Variants in COL21A1 observed in about 807,000 individuals in gnomAD.
COL21A1 encodes the protein collagen alpha-1(XXI) chain.
Under a neutral mutation model 137.9 loss-of-function variants are expected in COL21A1, and 149 were observed. The ratio of observed to expected loss-of-function variants is 1.08; its 90% CI spans 0.95 to 1.24. The LOEUF is 1.24. Among genes scored for constraint, COL21A1 ranks in the 50% most tolerant of loss-of-function variants. COL21A1 has a pLI of 0.00. For synonymous variants in COL21A1, 456 were observed against 391.5 expected, an observed-to-expected ratio of 1.16 and a Z score of -1.95; for missense variants, 1,167 against 1,158.4, an observed-to-expected ratio of 1.01 and a Z score of -0.11.
At chr6:56,249,069 AT>A (rs1782782936), upstream of COL21A1, among the ~76,000 whole-genome samples, 1 of 152,230 alleles carries the variant, frequency 6.6e-6, no homozygotes, top group Admixed American at 6.5e-5. Context: ...TGCACAAAGT[AT>A]TTAGACGTTT....
chr6:56,330,502 C>T (rs998181568), intron 1 of COL21A1, among the ~76,000 whole-genome samples: 8 of 152,036 alleles, frequency 5.3e-5, no homozygotes, highest in African/African-American at 1.4e-4. Flanking sequence ...AAGCCAAATA[C>T]AAATGTTTTA....
chr6:56,307,396 G>A (rs1481793776), intron 1 of COL21A1, among the ~76,000 whole-genome samples: 2 of 152,176 alleles, frequency 1.3e-5, no homozygotes, highest in Non-Finnish European at 2.9e-5. Flanking sequence ...CAGCTGCTTT[G>A]TTTACCTACT....
At chr6:56,108,423 A>C (rs2397203) in intron 16 of COL21A1, among the ~76,000 whole-genome samples, 74,355 of 151,750 alleles carry the variant, frequency 0.49, 18,821 homozygotes, top group East Asian at 0.74. Context: ...GCGAAGGTGC[A>C]GCAAGCAAAT....
intron 1 of COL21A1, among the ~76,000 whole-genome samples, chr6:56,357,320 T>C (rs1765857084): frequency 6.6e-6 from 1 of 152,166 alleles, no homozygotes; most frequent in Non-Finnish European, 1.5e-5. Flanking sequence ...TGGAAGTGTA[T>C]CTTACAATCT....
chr6:56,290,165 A>G, intron 1 of COL21A1, among the ~76,000 whole-genome samples: 1 of 152,140 alleles, frequency 6.6e-6, no homozygotes, highest in East Asian at 1.9e-4. Flanking sequence ...AGAATGAATA[A>G]ATAAATGAAT....
chr6:56,288,229 C>G (rs574459378), intron 1 of COL21A1, among the ~76,000 whole-genome samples: 1 of 138,984 alleles, frequency 7.2e-6, no homozygotes, highest in South Asian at 2.4e-4. Context: ...TCTACTCCAG[C>G]TTATTACATT....
At chr6:56,073,244 G>A (rs1194798628) in intron 20 of COL21A1, among the ~76,000 whole-genome samples, 6 of 151,420 alleles carry the variant, frequency 4.0e-5, no homozygotes, top group African/African-American at 1.5e-4. Flanking sequence ...GTGGAGACCT[G>A]CTTAGCAAGT....
Position 56,374,310 on chromosome 6 carries a change from C to T in COL21A1, c.-39+19661G>A, listed in dbSNP as rs537562312. ...TACATAGAATTTTTTTCCTATTTAC[C>T]AGCCTTTTGACAGCCACAAATGCCA... is the stretch of plus-strand genomic sequence containing the variant. On this transcript the variant is annotated intron_variant, in intron 1 of 28. Coordinates refer to the COL21A1 transcript ENST00000370819. 3.9e-5 allele frequency among the ~76,000 whole-genome samples: 6 copies of T among 152,194 alleles called. No homozygotes were observed. The South Asian group carries it at 1.2e-3, about 32-fold the overall frequency.
intron 23 of COL21A1, among the ~76,000 whole-genome samples, chr6:56,065,814 C>T (rs10484724): frequency 7.1e-4 from 107 of 151,670 alleles, no homozygotes; most frequent in Non-Finnish European, 1.3e-3. Flanking sequence ...GTGTGGGGCA[C>T]GATTAAAGGA....
chr6:56,145,369 C>G (rs189009456), intron 10 of COL21A1, among the ~76,000 whole-genome samples: 229 of 152,200 alleles, frequency 1.5e-3, no homozygotes, highest in Non-Finnish European at 2.0e-3. Context: ...GTTTTAGAAG[C>G]TACAGGAAAC....
At chr6:56,166,681 T>G in intron 7 of COL21A1, 1 of 617,874 alleles carries the variant, frequency 1.6e-6, no homozygotes, top group Non-Finnish European at 2.9e-6. Flanking sequence ...CAAGAAAACA[T>G]TCCCTTGTGG....
intron 1 of COL21A1, among the ~76,000 whole-genome samples, chr6:56,303,717 C>A (rs1582767538): frequency 6.6e-6 from 1 of 152,132 alleles, no homozygotes; most frequent in South Asian, 2.1e-4. Flanking sequence ...ATTGAATACC[C>A]TTTATTTCCT....
At chr6:56,213,861 C>A (rs1337404896) in intron 1 of COL21A1, among the ~76,000 whole-genome samples, 1 of 151,902 alleles carries the variant, frequency 6.6e-6, no homozygotes, top group African/African-American at 2.4e-5. Flanking sequence ...CTGAAGATTT[C>A]TAAATCAGCT....
At chr6:56,381,641 A>T (rs1308486487) in intron 1 of COL21A1, among the ~76,000 whole-genome samples, 1 of 152,238 alleles carries the variant, frequency 6.6e-6, no homozygotes, top group Non-Finnish European at 1.5e-5. Flanking sequence ...ATTTCACCGA[A>T]CATAAGCTAC....
chr6:56,203,734 G>T (rs1779558519), intron 1 of COL21A1, among the ~76,000 whole-genome samples: 3 of 152,332 alleles, frequency 2.0e-5, no homozygotes, highest in Admixed American at 2.0e-4. Flanking sequence ...AACACAGAAG[G>T]TGGGTGATTT....
chr6:56,202,179 T>C (rs1357148939), intron 1 of COL21A1, among the ~76,000 whole-genome samples: 1 of 152,078 alleles, frequency 6.6e-6, no homozygotes, highest in African/African-American at 2.4e-5. Flanking sequence ...TTTTTAAAAA[T>C]GTAGTGTGAA....
At chr6:56,254,539 A>C (rs2152329656) in intron 1 of COL21A1, among the ~76,000 whole-genome samples, 1 of 152,360 alleles carries the variant, frequency 6.6e-6, no homozygotes, top group African/African-American at 2.4e-5. Context: ...TGGGATCAAT[A>C]ACAGAATTAA....
chr6:56,320,165 C>T (rs1764831335), intron 1 of COL21A1, among the ~76,000 whole-genome samples: 9 of 152,108 alleles, frequency 5.9e-5, no homozygotes. Context: ...AATAGCAACT[C>T]CATCCTTCGA....
At chr6:56,226,749 A>G (rs969842702) in intron 1 of COL21A1, among the ~76,000 whole-genome samples, 2 of 152,078 alleles carry the variant, frequency 1.3e-5, no homozygotes, top group African/African-American at 4.8e-5. Context: ...TGAAAATCCA[A>G]TGTTCCTCAC....
Sources: allele counts gnomAD v4.1 joint callset (sites outside exome capture counted in the v4.1 genomes callset), GRCh38; gene constraint gnomAD v4.1.1; transcripts MANE v1.5; gene names NCBI Gene and HGNC (gene_info 2026-07-23, HGNC 2026-07-21).